The following FGD4 variants were observed in gnomAD, a reference collection of about 807,000 sequenced individuals.
The protein encoded by FGD4 is FYVE, RhoGEF and PH domain containing 4.
FGD4 carries 42 observed loss-of-function variants against 102.0 expected under a neutral mutation model. The observed-to-expected ratio is 0.41, with a 90% CI of 0.32 to 0.53. FGD4 has a LOEUF of 0.53. Ranked by LOEUF, FGD4 falls within the 20% of genes least tolerant of loss-of-function variation. The pLI is 0.21. For synonymous variants in FGD4, 380 were observed against 375.7 expected (o/e 1.01, Z -0.13); for missense variants, 902 against 1,078.2 (o/e 0.84, Z 2.29).
intron 1 of FGD4, among the ~76,000 whole-genome samples, chr12:32,401,726 CTTTT>C (rs34078307): frequency 1.3e-4 from 15 of 113,554 alleles, no homozygotes; most frequent in Non-Finnish European, 1.4e-4. Context: ...CTTTTCCATT[CTTTT>C]TTTTTTTTTT....
intron 1 of FGD4, among the ~76,000 whole-genome samples, chr12:32,466,121 T>C (rs1318541717): frequency 1.3e-5 from 2 of 152,192 alleles, no homozygotes; most frequent in African/African-American, 2.4e-5. Flanking sequence ...TTTTAAAATA[T>C]AATGGTATTG....
chr12:32,637,318 C>G (rs534592749), intron 15 of FGD4, among the ~76,000 whole-genome samples: 1 of 151,794 alleles, frequency 6.6e-6, no homozygotes, highest in South Asian at 2.1e-4. Flanking sequence ...GAGGCTTGGC[C>G]GGGCATGGTG....
intron 14 of FGD4, among the ~76,000 whole-genome samples, chr12:32,632,705 A>ATTTTT (rs1275380016): frequency 1.6e-5 from 2 of 124,878 alleles, no homozygotes; most frequent in African/African-American, 6.4e-5. Context: ...TTATTTATTT[A>ATTTTT]TTTATTTATT....
chr12:32,455,877 A>G (rs1942933340), intron 1 of FGD4, among the ~76,000 whole-genome samples: 1 of 152,154 alleles, frequency 6.6e-6, no homozygotes. Context: ...TCTAGACTAG[A>G]TTGTTATCCT....
At chr12:32,592,755 T>C (rs1381332930) in intron 4 of FGD4, among the ~76,000 whole-genome samples, 1 of 152,206 alleles carries the variant, frequency 6.6e-6, no homozygotes, top group African/African-American at 2.4e-5. Context: ...TAAATAAGTT[T>C]TTAAAGTTGG....
Position 32,611,269 on chromosome 12 carries a change from C to A in FGD4, c.1735C>A (p.Arg579Ser). Residue 579 changes from arginine to serine, a missense_variant, in exon 10 of 17, where the codon CGC becomes AGC. Arg to Ser is a moderately radical substitution (Grantham distance 110). Around this residue, in one of 2 missense-constraint regions of FGD4, gnomAD observed 459 missense variants for 619.0 expected, o/e 0.74. Coordinates refer to ENST00000534526, the MANE Select transcript of FGD4 (RefSeq NM_001370298.3). ...TGCTCGGAACACTTCAGCACAAGAA[C>A]GCTACCTTTTCTTAGTGAGTATTAT... ...LAARNTSAQE[R>S]YLFLFNNMLL... 6.2e-7 allele frequency: 1 copy of A among 1,614,148 alleles called. No individual in the cohort carries two copies. Among genetic ancestry groups the A allele is most frequent in the South Asian group, 1.1e-5 (1 of 91,078 alleles).
chr12:32,540,963 G>A (rs11052059), intron 1 of FGD4, among the ~76,000 whole-genome samples: 5,155 of 152,202 alleles, frequency 0.034, 132 homozygotes, highest in Non-Finnish European at 0.055. Context: ...AATAAAATTC[G>A]TTATATCATT....
chr12:32,562,248 AAC>A (rs924159784), intron 1 of FGD4, among the ~76,000 whole-genome samples: 24 of 152,274 alleles, frequency 1.6e-4, no homozygotes, highest in African/African-American at 5.5e-4. Context: ...GCCTGTGTAT[AAC>A]AGTCTTCTGT....
At chr12:32,490,303 T>C (rs1326470772) in intron 1 of FGD4, among the ~76,000 whole-genome samples, 1 of 152,136 alleles carries the variant, frequency 6.6e-6, no homozygotes, top group South Asian at 2.1e-4. Flanking sequence ...TTTCTTAAAT[T>C]GTCTCAAGCA....
At chr12:32,526,673 A>C (rs10771963) in intron 1 of FGD4, among the ~76,000 whole-genome samples, 68,840 of 151,906 alleles carry the variant, frequency 0.45, 16,565 homozygotes, top group Middle Eastern at 0.64. Flanking sequence ...TTCTTTCGCT[A>C]TTTGCGATAA....
chr12:32,640,620 T>G lies in FGD4; in HGVS notation c.*87T>G, dbSNP rs1951115786. 4 of 1,586,350 alleles carry G rather than the reference T, an allele frequency of 2.5e-6. No homozygotes were observed. The highest frequency in any genetic ancestry group is 3.4e-6 in the Non-Finnish European group (4 of 1,161,162). ...CTCTTCTTACACATCTGCTAGCACTTTATGTTGAAAAATATAGGCCCATAA... is the reference window on the plus strand; with the variant it reads ...CTCTTCTTACACATCTGCTAGCACTGTATGTTGAAAAATATAGGCCCATAA... On this transcript the variant is annotated 3_prime_UTR_variant, in exon 17 of 17. Transcript: ENST00000534526.
chr12:32,571,412 A>G (rs1308189800), intron 2 of FGD4, among the ~76,000 whole-genome samples: 1 of 151,840 alleles, frequency 6.6e-6, no homozygotes, highest in Non-Finnish European at 1.5e-5. Flanking sequence ...CTGAGATTGC[A>G]CCACTACCCT....
intron 1 of FGD4, among the ~76,000 whole-genome samples, chr12:32,457,967 T>C (rs554673587): frequency 9.9e-5 from 15 of 152,030 alleles, no homozygotes; most frequent in Non-Finnish European, 1.9e-4. Context: ...TTTAATTAGG[T>C]AACATAATTT....
At chr12:32,625,908 G>T (rs992352564) in intron 14 of FGD4, 129 bp downstream of exon 14, 8 of 1,262,038 alleles carry the variant, frequency 6.3e-6, no homozygotes, top group Admixed American at 1.7e-5. Flanking sequence ...TGCCAATTAC[G>T]TGCAGAGGAC....
intron 1 of FGD4, among the ~76,000 whole-genome samples, chr12:32,524,536 A>AAAC (rs71447605): frequency 2.0e-5 from 3 of 146,556 alleles, no homozygotes; most frequent in African/African-American, 7.4e-5. Context: ...AAAAAAAAAA[A>AAAC]CAGAAAAAAA....
intron 1 of FGD4, among the ~76,000 whole-genome samples, chr12:32,473,413 G>A (rs1189429377): frequency 6.6e-6 from 1 of 152,052 alleles, no homozygotes; most frequent in African/African-American, 2.4e-5. Context: ...GCCCACTGGG[G>A]GGAAGGAACA....
At position 32,641,111 on chromosome 12, in the gene FGD4, C is replaced by T. The variant is rs1951135496; in HGVS notation, c.*578C>T. ...AAGATAACTTGTTTTTGTAGAAATA[C>T]TCCTAAGAATGTCTTAAGTATATAG... is the stretch of plus-strand genomic sequence containing the variant. On this transcript the variant is annotated 3_prime_UTR_variant, in exon 17 of 17. Transcript: ENST00000534526. 6.4e-6 allele frequency: 1 copy of T among 156,582 alleles called. No homozygotes were observed. Among genetic ancestry groups the T allele is most frequent in the Admixed American group, 6.2e-5 (1 of 16,204 alleles). 9.7% of individuals were successfully genotyped at this position (156,582 alleles called of 1,614,324 possible).
chr12:32,423,517 G>A (rs1352455778), intron 1 of FGD4, among the ~76,000 whole-genome samples: 17 of 151,066 alleles, frequency 1.1e-4, no homozygotes, highest in Admixed American at 8.6e-4. Context: ...GCTTGAACCC[G>A]GGAGGCGAAG....
intron 1 of FGD4, among the ~76,000 whole-genome samples, chr12:32,476,341 C>T (rs1296533488): frequency 6.6e-6 from 1 of 152,128 alleles, no homozygotes; most frequent in Non-Finnish European, 1.5e-5. Context: ...CAAGTATTTT[C>T]TCACGCATGG....
Sources: gnomAD v4.1 joint callset for allele counts (sites outside exome capture counted in the v4.1 genomes callset) on GRCh38, gnomAD v4.1.1 for gene constraint, gnomAD v4.1.1 regional missense constraint, MANE v1.5 for transcripts, NCBI Gene and HGNC (gene_info 2026-07-23, HGNC 2026-07-21) for gene names.